Variants in WDR19 observed in about 807,000 individuals in gnomAD.
WDR19 encodes the protein WD repeat-containing protein 19.
WDR19 carries 121 observed loss-of-function variants against 180.0 expected under a neutral mutation model. The observed-to-expected ratio is 0.67, with a 90% CI of 0.58 to 0.78. The LOEUF is 0.78. Ranked by LOEUF, WDR19 falls within the 30% of genes least tolerant of loss-of-function variation. The pLI, the probability that WDR19 is intolerant of heterozygous loss-of-function variation, is 0.00. For missense variants in WDR19, 1,450 were observed against 1,640.7 expected (o/e 0.88, Z 2.01); for synonymous variants, 497 against 540.7 (o/e 0.92, Z 1.12).
chr4:39,273,774 T>C (rs6531702), intron 32 of WDR19: 76,838 of 152,080 alleles, frequency 0.51, 20,801 homozygotes, highest in African/African-American at 0.71. Context: ...CAAGATCACA[T>C]TGTCAGCTAA....
chr4:39,185,898 TG>T (rs1168235768), intron 2 of WDR19, 81 bp downstream of exon 2: 43 of 1,161,742 alleles, frequency 3.7e-5, no homozygotes, highest in South Asian at 1.2e-4. Context: ...TTTTTTTTGT[TG>T]TTGTTTTTTT....
chr4:39,198,478 A>G (rs1232801147), intron 5 of WDR19, among the ~76,000 whole-genome samples: 1 of 151,654 alleles, frequency 6.6e-6, no homozygotes, highest in Non-Finnish European at 1.5e-5. Flanking sequence ...GGAGAATGGC[A>G]TGAACCCGGG....
At position 39,232,215 on chromosome 4, in the gene WDR19, T is replaced by G. The variant is rs1231522177; in HGVS notation, c.2196T>G (p.Asp732Glu). Residue 732 changes from aspartate (D) to glutamate (E), a missense_variant, in exon 19 of 37, where the codon GAT (aspartate) becomes GAG (glutamate). Coordinates refer to ENST00000399820, the MANE Select transcript of WDR19 (RefSeq NM_025132.4). ...GACACCTTGCCATGTTTACCAACGA[T>G]TATAACCTGGCTCAGGACTTGTACC... ...LAGHLAMFTN[D>E]YNLAQDLYLA... is the part of the protein sequence containing the mutation. 1 of 1,613,870 alleles carries G rather than the reference T, an allele frequency of 6.2e-7. No homozygotes were observed. The highest frequency in any genetic ancestry group is 1.3e-5 in the African/African-American group (1 of 75,006).
At chr4:39,182,859 G>A (rs1173783951) in intron 1 of WDR19, among the ~76,000 whole-genome samples, 1 of 152,144 alleles carries the variant, frequency 6.6e-6, no homozygotes, top group East Asian at 1.9e-4. Context: ...GAGCGGACTG[G>A]ATCTAAAGAT....
intron 2 of WDR19, among the ~76,000 whole-genome samples, chr4:39,186,234 C>T (rs766737093): frequency 6.6e-6 from 1 of 152,112 alleles, no homozygotes. Flanking sequence ...AATCCCAACA[C>T]TTTGGGAGGC....
chr4:39,270,695 T>C (rs1043715185), intron 31 of WDR19, among the ~76,000 whole-genome samples: 4 of 151,838 alleles, frequency 2.6e-5, no homozygotes, highest in African/African-American at 7.3e-5. Context: ...ATTGTTTTGA[T>C]TTTGAAACAT....
chr4:39,215,091 T>C (rs1165247065), intron 10 of WDR19, among the ~76,000 whole-genome samples: 1 of 152,158 alleles, frequency 6.6e-6, no homozygotes, highest in Non-Finnish European at 1.5e-5. Context: ...ATTTTAATAC[T>C]CTTCACTAGA....
At chr4:39,255,380 C>T (rs1733648533) in intron 26 of WDR19, among the ~76,000 whole-genome samples, 1 of 152,102 alleles carries the variant, frequency 6.6e-6, no homozygotes, top group Non-Finnish European at 1.5e-5. Context: ...GGCCCCAACT[C>T]CCACGGGTAA....
intron 24 of WDR19, among the ~76,000 whole-genome samples, 194 bp downstream of exon 24, chr4:39,245,646 C>T (rs1732444561): frequency 6.6e-6 from 1 of 152,180 alleles, no homozygotes; most frequent in African/African-American, 2.4e-5. Context: ...GTTTCCTTTA[C>T]ATACTCAAAT....
chr4:39,270,030 C>A lies in WDR19; in HGVS notation c.3413C>A (p.Ser1138Tyr), dbSNP rs547583427. Residue 1138 changes from serine to tyrosine, a missense_variant, in exon 31 of 37, where the codon TCC becomes TAC. Ser to Tyr is a moderately radical substitution (Grantham distance 144). Coordinates refer to ENST00000399820, the MANE Select transcript of WDR19 (RefSeq NM_025132.4). ...TTCAGTATGTATGCAGAACTGAAAT[C>A]CCAGAAGATCAAAATTCCCTCCGAG... is the stretch of plus-strand genomic sequence containing the variant. ...VLFSMYAELKSQKIKIPSEMA... is the reference protein window; with the variant it reads ...VLFSMYAELKYQKIKIPSEMA... The A allele has an allele frequency of 6.2e-7, 1 of 1,613,742 alleles. No individual in the cohort carries two copies. Among genetic ancestry groups the A allele is most frequent in the East Asian group, 2.2e-5 (1 of 44,874 alleles).
intron 36 of WDR19, among the ~76,000 whole-genome samples, chr4:39,281,331 CT>C (rs1276862632): frequency 1.3e-5 from 2 of 151,124 alleles, no homozygotes; most frequent in Non-Finnish European, 2.9e-5. Context: ...TGCAATTTAT[CT>C]TGAAATGATT....
In WDR19 at chr4:39,244,239, T is replaced by G. The variant is rs767130970; in HGVS notation, c.2422-9T>G. 25 of 1,607,700 alleles carry G rather than the reference T, an allele frequency of 1.6e-5. No individual in the cohort carries two copies. The highest frequency in any genetic ancestry group is 1.8e-4 in the Middle Eastern group (1 of 5,708). On this transcript the variant is annotated splice_polypyrimidine_tract_variant and intron_variant, in intron 21 of 36. Coordinates refer to ENST00000399820, the MANE Select transcript of WDR19 (RefSeq NM_025132.4). ...ATCTGATTTGTTAGTGTTTGCCTTG[T>G]GATTGCAGGAACATGATGAAGCTTG...
intron 9 of WDR19, among the ~76,000 whole-genome samples, chr4:39,210,376 A>G (rs146197740): frequency 2.2e-3 from 328 of 152,352 alleles, no homozygotes; most frequent in African/African-American, 7.2e-3. Context: ...ATGGTTCAAT[A>G]TTTAAAAATC....
At chr4:39,244,611 TCTCCCCA>T in intron 23 of WDR19, 59 bp downstream of exon 23, 1 of 1,586,120 alleles carries the variant, frequency 6.3e-7, no homozygotes, top group South Asian at 1.1e-5. Flanking sequence ...GCCTCTGGGG[TCTCCCCA>T]CTTGCCTCCT....
chr4:39,244,522 C>T lies in WDR19; in HGVS notation c.2615C>T (p.Ala872Val). The T allele has an allele frequency of 6.2e-7, 1 of 1,614,012 alleles. No individual in the cohort carries two copies. The highest frequency in any genetic ancestry group is 8.5e-7 in the Non-Finnish European group (1 of 1,179,886). The change falls in exon 23 of 37, where the codon GCA (alanine) becomes GTA (valine). Residue 872 changes from alanine to valine, a missense_variant. Coordinates refer to ENST00000399820, the MANE Select transcript of WDR19 (RefSeq NM_025132.4). ...GAAAAAGGTCTCTACTACGATAAAG[C>T]AGCATCTGTTTACATCCGCTCTAAG... is the stretch of plus-strand genomic sequence containing the variant. ...LYEKGLYYDK[A>V]ASVYIRSKNW...
Position 39,207,595 on chromosome 4 carries a change from A to G in WDR19, c.890+1859A>G, listed in dbSNP as rs146419760. On this transcript the variant is annotated intron_variant, in intron 9 of 36. Coordinates refer to ENST00000399820, the MANE Select transcript of WDR19 (RefSeq NM_025132.4). ...ATTGAGGCTAGAAGGAAATGCCACA[A>G]TATTCTTAAAGTGCTAAAATAAAAG... Among the ~76,000 whole-genome samples the G allele has an allele frequency of 3.0e-3, 458 of 152,346 alleles. 3 individuals carry two copies. Among genetic ancestry groups the G allele is most frequent in the African/African-American group, 1.0e-2 (415 of 41,580 alleles).
rs574739364 is a variant in WDR19 at position 39,270,240 on chromosome 4, A to G, written c.3483+140A>G. The stretch of plus-strand genomic sequence containing the variant: ...TAAGTAACAAAACAAGATACAGAAC[A>G]TATCTACAATACGCTGCTTTGTGTG... On this transcript the variant is annotated intron_variant, in intron 31 of 36. Transcript: ENST00000399820. 31 of 1,186,576 alleles carry G rather than the reference A, an allele frequency of 2.6e-5. No homozygotes were observed. In the African/African-American group the frequency reaches 4.7e-4, roughly 18 times the overall value. 73.5% of individuals were successfully genotyped at this position (1,186,576 alleles called of 1,614,324 possible).
Position 39,267,061 on chromosome 4 carries a change from C to T in WDR19, c.3261+921C>T, listed in dbSNP as rs563069945. 9.9e-5 allele frequency among the ~76,000 whole-genome samples: 15 copies of T among 152,152 alleles called. No homozygotes were observed. The South Asian group carries it at 1.9e-3, about 19-fold the overall frequency. ...TTGTGCCACTGCACTCCAGCCTGGG[C>T]GACAGAGTGAGACTCCATCTCAAAA... is the stretch of plus-strand genomic sequence containing the variant. On this transcript the variant is annotated intron_variant, in intron 29 of 36. Coordinates refer to ENST00000399820, the MANE Select transcript of WDR19 (RefSeq NM_025132.4).
At chr4:39,268,553 T>C (rs1023230952) in intron 30 of WDR19, among the ~76,000 whole-genome samples, 2 of 152,244 alleles carry the variant, frequency 1.3e-5, no homozygotes, top group African/African-American at 4.8e-5. Flanking sequence ...TCTGCTCACA[T>C]GTGCTCTGTC....
Sources: allele counts gnomAD v4.1 joint callset (sites outside exome capture counted in the v4.1 genomes callset), GRCh38; gene constraint gnomAD v4.1.1; transcripts MANE v1.5; gene names NCBI Gene and HGNC (gene_info 2026-07-23, HGNC 2026-07-21).